NXPE1: variants seen among roughly 807,000 people sequenced by gnomAD.
NXPE1 encodes the protein NXPE family member 1.
A neutral mutation model predicts 33.3 loss-of-function variants in NXPE1; 31 were observed. The observed-to-expected ratio is 0.93, with a 90% CI of 0.70 to 1.26. NXPE1 has a LOEUF of 1.26. Ranked by LOEUF, NXPE1 falls within the 50% of genes most tolerant of loss-of-function variation. NXPE1 has a pLI of 0.00. For missense variants in NXPE1, 661 were observed against 655.6 expected, an observed-to-expected ratio of 1.01 and a Z score of -0.09; for synonymous variants, 229 against 231.4, an observed-to-expected ratio of 0.99 and a Z score of 0.09.
At chr11:114,529,380 T>C (rs1260699223) in intron 6 of NXPE1, 1 of 152,264 alleles carries the variant, frequency 6.6e-6, no homozygotes. Context: ...ATCCTCAAAG[T>C]AGCCCATGAA....
At chr11:114,558,311 C>T (rs1445808672) in intron 1 of NXPE1, among the ~76,000 whole-genome samples, 6 of 151,940 alleles carry the variant, frequency 3.9e-5, no homozygotes, top group African/African-American at 1.5e-4. Context: ...AATGCAAGTG[C>T]TTTATTTTAA....
chr11:114,534,605 T>C (rs1265585858), intron 5 of NXPE1, among the ~76,000 whole-genome samples: 2 of 152,134 alleles, frequency 1.3e-5, no homozygotes, highest in East Asian at 1.9e-4. Flanking sequence ...CTGATGGAGC[T>C]GAAAACCACA....
In NXPE1 at chr11:114,521,984, A is replaced by G. The variant is rs759072927; in HGVS notation, c.1628T>C (p.Leu543Ser). The change falls in exon 9 of 9, where the codon TTA becomes TCA. Residue 543 changes from leucine (L) to serine (S), a missense_variant. Coordinates refer to ENST00000534921, the Ensembl canonical transcript of NXPE1. ...ATTTATCCCTTAGCAAATGTAGTTT[A>G]AGAACATGTTAATCTGATTTCCAAT... 1.9e-6 allele frequency: 3 copies of G among 1,611,498 alleles called. No individual in the cohort carries two copies. In the Admixed American group the frequency reaches 5.0e-5, roughly 27 times the overall value.
rs1032148863 is a variant in NXPE1, at chr11:114,553,907, G to T, written c.-210-1027C>A. ...ATTTAGATCGTGGAAGTCATCAAAG[G>T]CTATAAACAGGATTTTTGTTTTTGT... On this transcript the variant is annotated intron_variant, in intron 1 of 8. Transcript: ENST00000534921. The T allele has an allele frequency of 1.4e-4, 137 of 982,734 alleles. No individual in the cohort carries two copies. In the African/African-American group the frequency reaches 2.4e-3, roughly 17 times the overall value. 60.9% of individuals were successfully genotyped at this position (982,734 alleles called of 1,614,324 possible). A position where few individuals can be genotyped will look rare whatever the true frequency, so the allele number is the denominator to read the frequency against.
rs534944493 is a variant in NXPE1 at position 114,531,982 on chromosome 11, T to C, written c.100-1074A>G. On this transcript the variant is annotated intron_variant, in intron 5 of 8. Transcript: ENST00000534921. ...CAGCTGATTCATAATCACTACATTA[T>C]GTTGTCCAGGAGTATGTTTTCCAAA... Among the ~76,000 whole-genome samples the C allele has an allele frequency of 3.9e-5, 6 of 152,344 alleles. No homozygotes were observed. The South Asian group carries it at 8.3e-4, about 21-fold the overall frequency.
At chr11:114,552,245 G>A (rs73016119) in intron 2 of NXPE1, among the ~76,000 whole-genome samples, 160 bp from the exon 3 acceptor site, 37,620 of 151,980 alleles carry the variant, frequency 0.25, 4,893 homozygotes, top group East Asian at 0.43. Flanking sequence ...CCCAATTACT[G>A]AAGCGTGGTG....
chr11:114,557,576 C>T (rs1224014593), intron 1 of NXPE1, among the ~76,000 whole-genome samples: 2 of 149,178 alleles, frequency 1.3e-5, no homozygotes, highest in South Asian at 2.1e-4. Context: ...TAGGCACTCA[C>T]CACTGACTGG....
intron 7 of NXPE1, 81 bp from the exon 8 acceptor site, chr11:114,523,172 G>C (rs908636442): frequency 3.0e-6 from 3 of 1,010,144 alleles, no homozygotes; most frequent in African/African-American, 3.2e-5. Context: ...TCATTTTCTT[G>C]CTCTCTTTCC....
chr11:114,550,574 C>A, intron 5 of NXPE1, among the ~76,000 whole-genome samples: 1 of 151,828 alleles, frequency 6.6e-6, no homozygotes, highest in South Asian at 2.1e-4. Flanking sequence ...GCGTAAATTC[C>A]AAGTGGATCA....
rs115333007 is a variant in NXPE1 at position 114,525,007 on chromosome 11, G to A, written c.896-1916C>T. ...CAGATAATTATGGTAAATCTTGCCC[G>A]TAGGTCAAACAGCCTTGGTGGTATT... On this transcript the variant is annotated intron_variant, in intron 7 of 8. Coordinates refer to ENST00000534921, the Ensembl canonical transcript of NXPE1. Among the ~76,000 whole-genome samples, 807 of 152,062 alleles carry A rather than the reference G, an allele frequency of 5.3e-3. 4 individuals are homozygous for A. Among genetic ancestry groups the A allele is most frequent in the East Asian group, 0.018 (94 of 5,164 alleles).
intron 5 of NXPE1, among the ~76,000 whole-genome samples, chr11:114,543,010 T>A (rs1948154122): frequency 6.6e-6 from 1 of 152,134 alleles, no homozygotes; most frequent in African/African-American, 2.4e-5. Flanking sequence ...ATCCCAGCAC[T>A]TTGGGAGGTT....
rs75290739 is a variant in NXPE1 at position 114,522,369 on chromosome 11, C to A, written c.1243G>T (p.Asp415Tyr). 1,888 of 1,614,084 alleles carry A rather than the reference C, an allele frequency of 1.2e-3. 20 individuals carry two copies. The African/African-American group carries it at 0.023, about 20-fold the overall frequency. Residue 415 changes from aspartate (D) to tyrosine (Y), a missense_variant, in exon 9 of 9, where the codon GAT (aspartate) becomes TAT (tyrosine). Asp to Tyr is a radical substitution (Grantham distance 160). Coordinates refer to ENST00000534921, the Ensembl canonical transcript of NXPE1. ...ATTTCCCGAGGGATATAATCATGAT[C>A]TATCAGAGAGTAGAGCTGGAAAGTG... is the stretch of plus-strand genomic sequence containing the variant.
chr11:114,550,027 A>C (rs1418798496), intron 5 of NXPE1, among the ~76,000 whole-genome samples: 1 of 152,164 alleles, frequency 6.6e-6, no homozygotes, highest in Non-Finnish European at 1.5e-5. Flanking sequence ...TCCAAGATTT[A>C]TATGAGGAAA....
intron 1 of NXPE1, among the ~76,000 whole-genome samples, chr11:114,557,138 C>T (rs1445681419): frequency 2.0e-5 from 3 of 152,076 alleles, no homozygotes; most frequent in Admixed American, 6.6e-5. Flanking sequence ...AAGTAATCTG[C>T]GTGCCTCAGC....
intron 5 of NXPE1, among the ~76,000 whole-genome samples, chr11:114,543,777 A>G (rs1948182613): frequency 6.6e-6 from 1 of 152,110 alleles, no homozygotes; most frequent in African/African-American, 2.4e-5. Context: ...ACATATTGGA[A>G]AGGAAAAAGT....
At chr11:114,523,587 C>A (rs1001982760) in intron 7 of NXPE1, among the ~76,000 whole-genome samples, 5 of 152,170 alleles carry the variant, frequency 3.3e-5, no homozygotes, top group Admixed American at 2.0e-4. Flanking sequence ...CCTAGCTTGA[C>A]AATTTTTTGT....
intron 5 of NXPE1, among the ~76,000 whole-genome samples, chr11:114,545,920 A>C (rs933410010): frequency 6.6e-6 from 1 of 151,900 alleles, no homozygotes; most frequent in Non-Finnish European, 1.5e-5. Flanking sequence ...CGATAGCTTG[A>C]CTTTGCGATC....
intron 5 of NXPE1, among the ~76,000 whole-genome samples, chr11:114,535,557 A>C (rs1947784185): frequency 6.6e-6 from 1 of 152,212 alleles, no homozygotes. Flanking sequence ...GCAGAGACAT[A>C]CATAGGCTCA....
At chr11:114,525,327 A>G (rs1947336289) in intron 7 of NXPE1, among the ~76,000 whole-genome samples, 1 of 152,002 alleles carries the variant, frequency 6.6e-6, no homozygotes, top group Non-Finnish European at 1.5e-5. Flanking sequence ...TCCCCCAAAG[A>G]TATCCACATC....
Sources: allele counts gnomAD v4.1 joint callset (sites outside exome capture counted in the v4.1 genomes callset), GRCh38; gene constraint gnomAD v4.1.1; transcripts MANE v1.5; gene names NCBI Gene and HGNC (gene_info 2026-07-23, HGNC 2026-07-21).